Variants in CHST8 observed in about 807,000 individuals in gnomAD.
CHST8 encodes the protein carbohydrate sulfotransferase 8, also known as GALNAC-4-ST1.
In CHST8, 10 loss-of-function variants were observed where a neutral mutation model predicts 15.0. The ratio of observed to expected loss-of-function variants is 0.67; its 90% CI spans 0.41 to 1.13. The LOEUF (loss-of-function observed/expected upper bound fraction) is 1.13, where lower values mean the gene tolerates loss of function less well. Among genes scored for constraint, CHST8 ranks in the 50% most tolerant of loss-of-function variants. CHST8 has a pLI of 0.00. For synonymous variants in CHST8, 259 were observed against 256.6 expected, an observed-to-expected ratio of 1.01 and a Z score of -0.09; for missense variants, 634 against 608.2, an observed-to-expected ratio of 1.04 and a Z score of -0.45.
chr19:33,696,000 A>G (rs1410518765), intron 3 of CHST8, among the ~76,000 whole-genome samples: 2 of 151,090 alleles, frequency 1.3e-5, no homozygotes. Flanking sequence ...TAATTTGTGT[A>G]TTTTTGGTAG....
intron 3 of CHST8, among the ~76,000 whole-genome samples, chr19:33,729,639 G>A (rs76717429): frequency 6.6e-6 from 1 of 152,170 alleles, no homozygotes. Flanking sequence ...AACCATCATA[G>A]GTCCACTGGC....
intron 1 of CHST8, among the ~76,000 whole-genome samples, chr19:33,638,260 C>T (rs950555851): frequency 6.6e-6 from 1 of 152,194 alleles, no homozygotes; most frequent in Admixed American, 6.5e-5. Flanking sequence ...CATTATTCTA[C>T]TGTATCTGTG....
intron 3 of CHST8, among the ~76,000 whole-genome samples, chr19:33,694,530 A>C (rs1322007330): frequency 6.6e-6 from 1 of 152,040 alleles, no homozygotes; most frequent in Admixed American, 6.6e-5. Flanking sequence ...TTAACGATGA[A>C]GATAATAATG....
At chr19:33,641,249 C>T (rs1057266510) in intron 1 of CHST8, among the ~76,000 whole-genome samples, 1 of 152,188 alleles carries the variant, frequency 6.6e-6, no homozygotes, top group Non-Finnish European at 1.5e-5. Flanking sequence ...TAGGGACTTA[C>T]CTGTTCCTAA....
intron 3 of CHST8, among the ~76,000 whole-genome samples, chr19:33,716,638 A>C (rs1249601807): frequency 6.6e-6 from 1 of 152,118 alleles, no homozygotes; most frequent in Non-Finnish European, 1.5e-5. Context: ...AAGGTGCTGG[A>C]ATTACAGATG....
chr19:33,764,386 G>A (rs1974791057), intron 3 of CHST8, among the ~76,000 whole-genome samples: 1 of 152,210 alleles, frequency 6.6e-6, no homozygotes, highest in South Asian at 2.1e-4. Context: ...TGTAATCCCA[G>A]CACTTTGCGA....
chr19:33,741,907 G>A (rs1292806696), intron 3 of CHST8, among the ~76,000 whole-genome samples: 2 of 152,034 alleles, frequency 1.3e-5, no homozygotes, highest in African/African-American at 4.8e-5. Context: ...ATACATCTGG[G>A]AACTGGGGAG....
intron 1 of CHST8, among the ~76,000 whole-genome samples, chr19:33,628,673 C>A (rs113804525): frequency 4.1e-4 from 63 of 152,288 alleles, no homozygotes; most frequent in African/African-American, 1.4e-3. Context: ...TGGTTGAGCC[C>A]CTAGTTCATG....
intron 2 of CHST8, among the ~76,000 whole-genome samples, chr19:33,677,852 C>G (rs1039775512): frequency 6.6e-6 from 1 of 152,162 alleles, no homozygotes; most frequent in Non-Finnish European, 1.5e-5. Context: ...AGACTGGGCA[C>G]GGGAGGTTGG....
At chr19:33,633,774 C>CGTGT (rs55655047) in intron 1 of CHST8, among the ~76,000 whole-genome samples, 23,218 of 140,926 alleles carry the variant, frequency 0.16, 2,211 homozygotes, top group Admixed American at 0.27. Flanking sequence ...TTTTCTTTTT[C>CGTGT]GTGTGTGTGT....
chr19:33,773,185 G>T lies in CHST8; in HGVS notation c.*122G>T. ...GGCTCTGAGGACGTGAGGAGCCATC[G>T]CTGTGGGAGGCAGCAGGCCCCGGGT... On this transcript the variant is annotated 3_prime_UTR_variant, in exon 5 of 5. Coordinates refer to ENST00000650847, the MANE Select transcript of CHST8 (RefSeq NM_001127895.2). The T allele has an allele frequency of 1.7e-6, 2 of 1,173,476 alleles. No homozygotes were observed. Among genetic ancestry groups the T allele is most frequent in the Non-Finnish European group, 2.3e-6 (2 of 860,494 alleles). 72.7% of individuals were successfully genotyped at this position (1,173,476 alleles called of 1,614,324 possible).
chr19:33,720,763 G>A (rs1973774483), intron 3 of CHST8, among the ~76,000 whole-genome samples: 1 of 152,256 alleles, frequency 6.6e-6, no homozygotes, highest in African/African-American at 2.4e-5. Flanking sequence ...CTCCAGGGCA[G>A]GCCCCCACTC....
intron 1 of CHST8, among the ~76,000 whole-genome samples, chr19:33,645,640 G>A (rs59728719): frequency 0.048 from 7,351 of 152,066 alleles, 276 homozygotes; most frequent in East Asian, 0.21. Flanking sequence ...CTAAACATTC[G>A]GTGAAGGACA....
Position 33,772,595 on chromosome 19 carries a change from C to T in CHST8, c.807C>T (p.Arg269=), listed in dbSNP as rs181259731. ...TCGAGAGGCTGGTGTCCGCCTTCCG[C>T]GACAAGTTTGAGCACCCCAACAGCT... ...EPFERLVSAF[R]DKFEHPNSYY... Residue 269 remains arginine, a synonymous_variant, in exon 5 of 5, where the codon CGC becomes CGT. Transcript: ENST00000650847. The T allele has an allele frequency of 6.2e-7, 1 of 1,614,048 alleles. No individual in the cohort carries two copies. The highest frequency in any genetic ancestry group is 8.5e-7 in the Non-Finnish European group (1 of 1,180,048).
At chr19:33,724,754 A>T (rs1034192209) in intron 3 of CHST8, among the ~76,000 whole-genome samples, 1 of 152,010 alleles carries the variant, frequency 6.6e-6, no homozygotes, top group Non-Finnish European at 1.5e-5. Flanking sequence ...CTGGCCCTGG[A>T]GCTCCCCAGC....
intron 2 of CHST8, among the ~76,000 whole-genome samples, chr19:33,688,750 C>G (rs1206433427): frequency 6.6e-6 from 1 of 152,156 alleles, no homozygotes; most frequent in Non-Finnish European, 1.5e-5. Context: ...AAGAGCTTCT[C>G]TGCCCACCGG....
At chr19:33,679,093 G>A (rs545073933) in intron 2 of CHST8, among the ~76,000 whole-genome samples, 1 of 152,352 alleles carries the variant, frequency 6.6e-6, no homozygotes, top group Non-Finnish European at 1.5e-5. Flanking sequence ...TCTCTCCTCA[G>A]AAGTCTATGG....
At chr19:33,636,092 T>TAAA (rs4012941) in intron 1 of CHST8, among the ~76,000 whole-genome samples, 4,017 of 139,544 alleles carry the variant, frequency 0.029, 85 homozygotes, top group East Asian at 0.047. Flanking sequence ...TTATCAAAGT[T>TAAA]AAAAAAAAAA....
intron 1 of CHST8, among the ~76,000 whole-genome samples, chr19:33,635,968 C>T (rs117851393): frequency 0.011 from 1,675 of 151,118 alleles, 10 homozygotes; most frequent in Non-Finnish European, 0.018. Flanking sequence ...TGGAGGCGGG[C>T]GCGCAAAGAC....
Sources: allele counts gnomAD v4.1 joint callset (sites outside exome capture counted in the v4.1 genomes callset), GRCh38; gene constraint gnomAD v4.1.1; transcripts MANE v1.5; gene names NCBI Gene and HGNC (gene_info 2026-07-23, HGNC 2026-07-21).